Variants in KANK1 observed in about 807,000 individuals in gnomAD.
The protein encoded by KANK1 is KN motif and ankyrin repeat domains 1, also known as KN motif and ankyrin repeat domain-containing protein 1.
A neutral mutation model predicts 106.2 loss-of-function variants in KANK1; 109 were observed. The ratio of observed to expected loss-of-function variants is 1.03; its 90% CI spans 0.88 to 1.20. The LOEUF (loss-of-function observed/expected upper bound fraction) is 1.20. KANK1 is among the 50% of genes most tolerant of loss of function. The probability of loss-of-function intolerance (pLI) is 0.00; values close to 1 mark genes in which losing one functional copy is unlikely to be tolerated. For synonymous variants in KANK1, 873 were observed against 652.2 expected (o/e 1.34, Z -5.16); for missense variants, 2,399 against 1,710.7 (o/e 1.40, Z -7.10).
intron 1 of KANK1, among the ~76,000 whole-genome samples, chr9:578,332 TG>T (rs1821141201): frequency 1.7e-5 from 1 of 60,362 alleles, no homozygotes; most frequent in African/African-American, 1.3e-4. Flanking sequence ...TTTTCAACTG[TG>T]TGTGTGTGTG....
At chr9:512,900 T>C (rs1217590547) in intron 1 of KANK1, among the ~76,000 whole-genome samples, 2 of 152,244 alleles carry the variant, frequency 1.3e-5, no homozygotes, top group Non-Finnish European at 2.9e-5. Context: ...TATTTTTGCC[T>C]TATTATTTTT....
intron 2 of KANK1, among the ~76,000 whole-genome samples, chr9:685,290 G>C (rs750188184): frequency 6.6e-6 from 1 of 152,268 alleles, no homozygotes; most frequent in Admixed American, 6.5e-5. Context: ...TTAAAAATAA[G>C]TACGCTGCTA....
At chr9:622,943 C>G (rs1246697535) in intron 1 of KANK1, among the ~76,000 whole-genome samples, 2 of 151,904 alleles carry the variant, frequency 1.3e-5, no homozygotes. Flanking sequence ...GGCCTGAAAC[C>G]ATATAATTTC....
chr9:525,635 C>A (rs954686270), intron 1 of KANK1, among the ~76,000 whole-genome samples: 4 of 151,642 alleles, frequency 2.6e-5, no homozygotes. Context: ...CCTGCCTCCG[C>A]TTCCCAAAGT....
intron 2 of KANK1, chr9:684,610 C>T (rs531348099): frequency 2.0e-6 from 2 of 983,966 alleles, no homozygotes; most frequent in Admixed American, 1.2e-4. Context: ...TATGCACTTC[C>T]CCTCTTTCTT....
chr9:494,113 C>T (rs950532645), intron 3 of KANK1, among the ~76,000 whole-genome samples: 2 of 151,080 alleles, frequency 1.3e-5, no homozygotes, highest in African/African-American at 2.4e-5. Context: ...GAACTCCTGA[C>T]CTCGTGATCC....
intron 1 of KANK1, among the ~76,000 whole-genome samples, chr9:658,791 AG>A (rs1214744606): frequency 6.6e-6 from 1 of 152,164 alleles, no homozygotes; most frequent in Non-Finnish European, 1.5e-5. Context: ...AAAATCGCAT[AG>A]GCACATCTGT....
At chr9:674,739 T>A (rs552970377) in intron 1 of KANK1, among the ~76,000 whole-genome samples, 1 of 152,336 alleles carries the variant, frequency 6.6e-6, no homozygotes, top group South Asian at 2.1e-4. Flanking sequence ...AGTCTCGTTC[T>A]GTCGCCCAGG....
chr9:645,680 G>A (rs1316684370), intron 1 of KANK1, among the ~76,000 whole-genome samples: 3 of 150,066 alleles, frequency 2.0e-5, no homozygotes, highest in East Asian at 2.0e-4. Flanking sequence ...TCAGGAGTTC[G>A]AAACCAGCCT....
intron 1 of KANK1, among the ~76,000 whole-genome samples, chr9:586,112 C>T (rs978507539): frequency 6.6e-6 from 1 of 152,180 alleles, no homozygotes; most frequent in African/African-American, 2.4e-5. Context: ...TTACAGCAAG[C>T]TTTGGAGTAG....
At position 596,898 on chromosome 9, in the gene KANK1, C is replaced by G. The variant is rs139456793; in HGVS notation, c.-83-79992C>G. Among the ~76,000 whole-genome samples the G allele has an allele frequency of 1.6e-3, 242 of 151,892 alleles. 11 individuals carry two copies. The highest frequency in any genetic ancestry group is 5.5e-3 in the African/African-American group (226 of 41,178). Reference sequence around the variant, plus strand: ...CCCGTACCCAGTAATCAGTAACACACTATTCTCTCCTCTCTCTCATCCCTG... The same window carrying G: ...CCCGTACCCAGTAATCAGTAACACAGTATTCTCTCCTCTCTCTCATCCCTG... On this transcript the variant is annotated intron_variant, in intron 1 of 11. Coordinates refer to ENST00000382297, the MANE Select transcript of KANK1 (RefSeq NM_015158.5).
chr9:516,568 T>G (rs2059285656), intron 1 of KANK1, among the ~76,000 whole-genome samples: 1 of 151,556 alleles, frequency 6.6e-6, no homozygotes, highest in East Asian at 1.9e-4. Flanking sequence ...GGGAGCGGTT[T>G]TGGCTGTAGA....
At chr9:738,163 G>C in intron 7 of KANK1, 122 bp from the exon 8 acceptor site, 1 of 773,400 alleles carries the variant, frequency 1.3e-6, no homozygotes, top group Non-Finnish European at 2.1e-6. Context: ...GTTGGTTTTT[G>C]AGAGCAGATT....
At chr9:688,035 A>G (rs2139340535) in intron 2 of KANK1, among the ~76,000 whole-genome samples, 2 of 152,318 alleles carry the variant, frequency 1.3e-5, no homozygotes, top group Non-Finnish European at 2.9e-5. Flanking sequence ...AATACAGGTC[A>G]AAAATCAGGC....
chr9:619,664 G>A (rs1423709115), intron 1 of KANK1, among the ~76,000 whole-genome samples: 1 of 152,130 alleles, frequency 6.6e-6, no homozygotes, highest in Non-Finnish European at 1.5e-5. Context: ...ACGGACTGCA[G>A]AATGCAGATG....
intron 1 of KANK1, among the ~76,000 whole-genome samples, chr9:562,559 C>T (rs531319781): frequency 7.9e-5 from 12 of 152,298 alleles, no homozygotes; most frequent in African/African-American, 2.6e-4. Flanking sequence ...ATTCCAGCTT[C>T]ACTGCTTGAG....
intron 1 of KANK1, among the ~76,000 whole-genome samples, chr9:626,191 C>G: frequency 6.6e-6 from 1 of 152,120 alleles, no homozygotes; most frequent in Non-Finnish European, 1.5e-5. Flanking sequence ...CGTCCGGGTG[C>G]AGTGGTTCAT....
rs2061238285 is a variant in KANK1, at chr9:550,852, TATTA to T, written c.-84+46100_-84+46103del. Among the ~76,000 whole-genome samples, 4 of 152,288 alleles carry T rather than the reference TATTA, an allele frequency of 2.6e-5. No individual in the cohort carries two copies. The South Asian group carries it at 8.3e-4, about 32-fold the overall frequency. ...TTCTTTCTCCGAACTGTCTATACTT[TATTA>T]AAGTCTTCTTTTTCCCAGACTCCAG... is the stretch of plus-strand genomic sequence containing the variant. On this transcript the variant is annotated intron_variant, in intron 1 of 11. Coordinates refer to ENST00000382297, the MANE Select transcript of KANK1 (RefSeq NM_015158.5).
upstream of KANK1, among the ~76,000 whole-genome samples, chr9:501,799 T>C (rs957670090): frequency 2.0e-5 from 3 of 152,254 alleles, no homozygotes; most frequent in Non-Finnish European, 2.9e-5. Context: ...GCTATCCTCC[T>C]GCTTTGGGAT....
Sources: gnomAD v4.1 joint callset for allele counts (sites outside exome capture counted in the v4.1 genomes callset) on GRCh38, gnomAD v4.1.1 for gene constraint, MANE v1.5 for transcripts, NCBI Gene and HGNC (gene_info 2026-07-23, HGNC 2026-07-21) for gene names.